Variants in HNF1A observed in about 807,000 individuals in gnomAD.
HNF1A encodes the protein HNF1 homeobox A, also known as hepatocyte nuclear factor 1-alpha.
Under a neutral mutation model 62.2 loss-of-function variants are expected in HNF1A, and 21 were observed. The ratio of observed to expected loss-of-function variants is 0.34; its 90% CI spans 0.24 to 0.49. The LOEUF is 0.49. HNF1A is among the 20% of genes least tolerant of loss of function. The probability of loss-of-function intolerance (pLI) is 0.99; values close to 1 mark genes in which losing one functional copy is unlikely to be tolerated. For synonymous variants in HNF1A, 374 were observed against 366.8 expected (o/e 1.02, Z -0.22); for missense variants, 687 against 832.3 (o/e 0.83, Z 2.15).
At chr12:120,986,832 G>A (rs1028716632) in intron 1 of HNF1A, among the ~76,000 whole-genome samples, 3 of 152,010 alleles carry the variant, frequency 2.0e-5, no homozygotes, top group East Asian at 1.9e-4. Flanking sequence ...CAAAAGACCC[G>A]CCCACCTTGG....
At chr12:120,993,732 C>T (rs1876941925) in intron 3 of HNF1A, 26 bp downstream of exon 3, 1 of 1,610,720 alleles carries the variant, frequency 6.2e-7, no homozygotes, top group Non-Finnish European at 8.5e-7. Context: ...GGAAACAGTG[C>T]TGGTTTGGTC....
In HNF1A at chr12:120,993,710, C is replaced by T. The variant is rs763028626; in HGVS notation, c.713+4C>T. The T allele has an allele frequency of 1.2e-6, 2 of 1,613,570 alleles. No homozygotes were observed. Among genetic ancestry groups the T allele is most frequent in the African/African-American group, 1.3e-5 (1 of 74,992 alleles). ...CGCTAGTGGAGGAGTGCAATAGGTACAACGGCGGGCGGGAAACAGTGCTGG... is the reference window on the plus strand; with the variant it reads ...CGCTAGTGGAGGAGTGCAATAGGTATAACGGCGGGCGGGAAACAGTGCTGG... On this transcript the variant is annotated splice_donor_region_variant and intron_variant, in intron 3 of 9. Transcript: ENST00000257555.
intron 1 of HNF1A, among the ~76,000 whole-genome samples, chr12:120,987,452 G>C (rs528848459): frequency 6.8e-6 from 1 of 146,408 alleles, no homozygotes; most frequent in African/African-American, 2.5e-5. Context: ...TCGAGCCTGG[G>C]TGACAGAGTG....
At chr12:120,983,091 C>A (rs191813998) in intron 1 of HNF1A, among the ~76,000 whole-genome samples, 1 of 152,338 alleles carries the variant, frequency 6.6e-6, no homozygotes, top group African/African-American at 2.4e-5. Flanking sequence ...AATACCACAA[C>A]CTTGCATGCC....
At position 120,987,474 on chromosome 12, in the gene HNF1A, C is replaced by CA. The variant is rs59729082; in HGVS notation, c.327-1341dup. 4.6e-3 allele frequency among the ~76,000 whole-genome samples: 283 copies of CA among 61,650 alleles called. 3 individuals carry two copies. Among genetic ancestry groups the CA allele is most frequent in the East Asian group, 0.013 (21 of 1,648 alleles). The allele number at this position is 61,650 out of a possible 152,430, so 40.4% of individuals were successfully genotyped here. ...TGGGTGACAGAGTGAGACTCCATCTCAAAAAAAAAAAAAAAAAAGAAAAAG... is the reference window on the plus strand; with the variant it reads ...TGGGTGACAGAGTGAGACTCCATCTCAAAAAAAAAAAAAAAAAAAGAAAAAG... On this transcript the variant is annotated intron_variant, in intron 1 of 9. Coordinates refer to ENST00000257555, the MANE Select transcript of HNF1A (RefSeq NM_000545.8).
chr12:120,986,645 T>A (rs1876525578), intron 1 of HNF1A, among the ~76,000 whole-genome samples: 2 of 152,258 alleles, frequency 1.3e-5, no homozygotes, highest in Admixed American at 1.3e-4. Context: ...AGTGGCGCGA[T>A]CTCGGCTCAC....
chr12:121,002,009 C>T lies in HNF1A; in HGVS notation c.*817C>T, dbSNP rs1176839412. ...GTCGTCCTTACTCCTGTGGGAGCCT[C>T]GCAACCCGTGCCAAGTCCAGGTCCT... On this transcript the variant is annotated 3_prime_UTR_variant, in exon 10 of 10. Transcript: ENST00000257555. The T allele has an allele frequency of 4.1e-5, 22 of 536,578 alleles. No homozygotes were observed. Among genetic ancestry groups the T allele is most frequent in the South Asian group, 1.1e-4 (7 of 65,252 alleles). The allele number at this position is 536,578 out of a possible 1,614,324, so 33.2% of individuals were successfully genotyped here. A position where few individuals can be genotyped will look rare whatever the true frequency, so the allele number is the denominator to read the frequency against.
chr12:120,986,144 C>T (rs922147985), intron 1 of HNF1A, among the ~76,000 whole-genome samples: 1 of 152,150 alleles, frequency 6.6e-6, no homozygotes, highest in East Asian at 1.9e-4. Flanking sequence ...CAGTTCCTTG[C>T]GTGCCCTCCG....
Position 120,993,574 on chromosome 12 carries a change from T to C in HNF1A, c.581T>C (p.Leu194Pro), listed in dbSNP as rs751390701. 15 of 1,614,074 alleles carry C rather than the reference T, an allele frequency of 9.3e-6. No homozygotes were observed. Among genetic ancestry groups the C allele is most frequent in the Non-Finnish European group, 1.2e-5 (14 of 1,180,010 alleles). ...GLIEEPTGDE[L>P]PTKKGRRNRF... ...ATTGAAGAGCCCACAGGTGATGAGC[T>C]ACCAACCAAGAAGGGGCGGAGGAAC... The change falls in exon 3 of 10, where the codon CTA becomes CCA. Residue 194 changes from leucine (L) to proline (P), a missense_variant. Coordinates refer to ENST00000257555, the MANE Select transcript of HNF1A (RefSeq NM_000545.8).
In HNF1A at chr12:120,997,553, G is replaced by C. The variant is rs1438131136; in HGVS notation, c.1389G>C (p.Gln463His). 2 of 1,613,540 alleles carry C rather than the reference G, an allele frequency of 1.2e-6. No individual in the cohort carries two copies. The highest frequency in any genetic ancestry group is 1.1e-5 in the South Asian group (1 of 91,078). ...GSSLTTLQPV[Q>H]FSQPLHPSYQ... is the part of the protein sequence containing the mutation. The stretch of plus-strand genomic sequence containing the variant: ...GCCTGACCACCCTGCAGCCCGTCCA[G>C]TTCTCCCAGCCGCTGCACCCCTCCT... Residue 463 changes from glutamine to histidine, a missense_variant, in exon 7 of 10, where the codon CAG becomes CAC. Physicochemically the swap from Gln to His is conservative, Grantham distance 24 (BLOSUM62 0). Around this residue, in one of 5 missense-constraint regions of HNF1A, gnomAD observed 408 missense variants for 455.3 expected, o/e 0.90. Coordinates refer to ENST00000257555, the MANE Select transcript of HNF1A (RefSeq NM_000545.8).
At position 120,999,335 on chromosome 12, in the gene HNF1A, C is replaced by A. The variant is rs777956008; in HGVS notation, c.1569C>A (p.Leu523=). 2.9e-5 allele frequency: 47 copies of A among 1,613,910 alleles called. No individual in the cohort carries two copies. In the East Asian group the frequency reaches 8.2e-4, roughly 28 times the overall value. Residue 523 remains leucine (L), a synonymous_variant, in exon 8 of 10, where the codon CTC becomes CTA. Coordinates refer to ENST00000257555, the MANE Select transcript of HNF1A (RefSeq NM_000545.8). ...CGGGCCTGCTCCCGCAGACTATGCT[C>A]ATCACCGACACCACCAACCTGAGCG... ...THTGLLPQTM[L]ITDTTNLSAL... is the part of the protein sequence containing the mutation.
intron 4 of HNF1A, among the ~76,000 whole-genome samples, chr12:120,995,072 T>G (rs1031386789): frequency 6.8e-6 from 1 of 147,544 alleles, no homozygotes; most frequent in Non-Finnish European, 1.5e-5. Flanking sequence ...TCATCCCATC[T>G]ACTACATTCA....
intron 9 of HNF1A, among the ~76,000 whole-genome samples, chr12:121,000,075 CAT>C (rs55748175): frequency 0.018 from 2,777 of 152,256 alleles, 86 homozygotes; most frequent in East Asian, 0.13. Context: ...TTCATATTCC[CAT>C]ATAACAGTGC....
rs756416683 is a variant in HNF1A at position 121,001,096 on chromosome 12, C to T, written c.1800C>T (p.Ser600=). 6.1e-5 allele frequency: 98 copies of T among 1,613,906 alleles called. 1 individual carries two copies. In the South Asian group the frequency reaches 7.8e-4, roughly 13 times the overall value. ...VSSSSLVLYQ[S]SDSSNGQSHL... ...CCAGCAGCCTGGTGCTGTACCAGAG[C>T]TCAGACTCCAGCAATGGCCAGAGCC... is the stretch of plus-strand genomic sequence containing the variant. Residue 600 remains serine (S), a synonymous_variant, in exon 10 of 10, where the codon AGC becomes AGT. Transcript: ENST00000257555.
chr12:120,998,945 G>A (rs1877265137), intron 7 of HNF1A, among the ~76,000 whole-genome samples: 1 of 152,204 alleles, frequency 6.6e-6, no homozygotes, highest in Admixed American at 6.5e-5. Flanking sequence ...CGTAGCACCC[G>A]TGCTTAGTAC....
rs2259852 is a variant in HNF1A at position 120,997,030 on chromosome 12, G to A, written c.1309+288G>A. 525,671 of 1,461,420 alleles carry A rather than the reference G, an allele frequency of 0.36. 98,599 individuals carry two copies. Among genetic ancestry groups the A allele is most frequent in the Middle Eastern group, 0.55 (3,057 of 5,550 alleles). The allele number at this position is 1,461,420 out of a possible 1,614,324, so 90.5% of individuals were successfully genotyped here. ...TGGGCAAATTACAGCAGGGTAAGGG[G>A]GACTGATGTTTTCTAAGTTTTTGTT... On this transcript the variant is annotated intron_variant, in intron 6 of 9. Transcript: ENST00000257555.
In HNF1A at chr12:120,993,694, A is replaced by G; in HGVS notation, c.701A>G (p.Glu234Gly). 1 of 1,613,952 alleles carries G rather than the reference A, an allele frequency of 6.2e-7. No individual in the cohort carries two copies. The highest frequency in any genetic ancestry group is 8.5e-7 in the Non-Finnish European group (1 of 1,179,996). ...PSKEERETLV[E>G]ECNRAECIQR... is the part of the protein sequence containing the mutation. ...AAGGAGGAGCGAGAGACGCTAGTGG[A>G]GGAGTGCAATAGGTACAACGGCGGG... The change falls in exon 3 of 10, where the codon GAG becomes GGG. Residue 234 changes from glutamate to glycine, a missense_variant. Physicochemically the swap from Glu to Gly is moderately conservative, Grantham distance 98. Around this residue, in one of 5 missense-constraint regions of HNF1A, gnomAD observed 47 missense variants for 109.4 expected, o/e 0.43. Transcript: ENST00000257555.
At chr12:120,980,755 G>A (rs1256991825) in intron 1 of HNF1A, 1 of 152,270 alleles carries the variant, frequency 6.6e-6, no homozygotes, top group African/African-American at 2.4e-5. Flanking sequence ...GCTTCCTAGG[G>A]ACCAGCAGAG....
intron 1 of HNF1A, among the ~76,000 whole-genome samples, chr12:120,986,687 C>T (rs2243458): frequency 0.28 from 42,896 of 152,162 alleles, 6,817 homozygotes; most frequent in Middle Eastern, 0.51. Context: ...TCAAGCAATC[C>T]TCCTGCCTCA....
Sources: allele counts gnomAD v4.1 joint callset (sites outside exome capture counted in the v4.1 genomes callset), GRCh38; gene constraint gnomAD v4.1.1; regional missense constraint gnomAD v4.1.1; transcripts MANE v1.5; gene names NCBI Gene and HGNC (gene_info 2026-07-23, HGNC 2026-07-21).